Variants in THRB observed in about 807,000 individuals in gnomAD.
THRB encodes nuclear receptor subfamily 1 group A member 2.
In THRB, 12 loss-of-function variants were observed where a neutral mutation model predicts 47.8. The observed-to-expected ratio is 0.25, with a 90% CI of 0.16 to 0.41. The LOEUF is 0.41. Ranked by LOEUF, THRB falls within the 10% of genes least tolerant of loss-of-function variation. THRB has a pLI of 1.00. For missense variants in THRB, 348 were observed against 589.2 expected, an observed-to-expected ratio of 0.59 and a Z score of 4.24; for synonymous variants, 218 against 212.2, an observed-to-expected ratio of 1.03 and a Z score of -0.24.
In THRB at chr3:24,117,530, C is replaced by T. The variant is rs1185777185; in HGVS notation, c.*5354G>A. 6.6e-6 allele frequency: 1 copy of T among 152,150 alleles called. No individual in the cohort carries two copies. The highest frequency in any genetic ancestry group is 1.5e-5 in the Non-Finnish European group (1 of 68,036). The allele number at this position is 152,150 out of a possible 1,614,324, so 9.4% of individuals were successfully genotyped here. A position where few individuals can be genotyped will look rare whatever the true frequency, so the allele number is the denominator to read the frequency against. On this transcript the variant is annotated 3_prime_UTR_variant, in exon 11 of 11. Coordinates refer to ENST00000646209, the MANE Select transcript of THRB (RefSeq NM_001354712.2). ...GAACTTGGGCCAGTGAGAATTAGGC[C>T]AGAATTTTCATTAGAATTGTTGGAG... is the stretch of plus-strand genomic sequence containing the variant.
chr3:24,214,891 A>G (rs2046408055), intron 4 of THRB, among the ~76,000 whole-genome samples: 2 of 152,214 alleles, frequency 1.3e-5, no homozygotes, highest in South Asian at 4.1e-4. Flanking sequence ...TTGCAGCTCA[A>G]ATCATTATGT....
At chr3:24,200,727 A>G (rs1279652997) in intron 4 of THRB, among the ~76,000 whole-genome samples, 1 of 152,196 alleles carries the variant, frequency 6.6e-6, no homozygotes, top group East Asian at 1.9e-4. Context: ...TAGGGAAGAG[A>G]CATTTCAATC....
rs865873178 is a variant in THRB at position 24,254,089 on chromosome 3, C to T, written c.-42-25088G>A. Among the ~76,000 whole-genome samples, 8 of 150,402 alleles carry T rather than the reference C, an allele frequency of 5.3e-5. No individual in the cohort carries two copies. In the South Asian group the frequency reaches 6.3e-4, roughly 12 times the overall value. Reference sequence around the variant, plus strand: ...CTAAAAATCAGATTTACCGGCCGGGCGTGGTGGCTCACGCCTGTAATCCCA... The same window carrying T: ...CTAAAAATCAGATTTACCGGCCGGGTGTGGTGGCTCACGCCTGTAATCCCA... On this transcript the variant is annotated intron_variant, in intron 3 of 10. Coordinates refer to ENST00000646209, the MANE Select transcript of THRB (RefSeq NM_001354712.2).
At chr3:24,264,738 A>C (rs1232122882) in intron 3 of THRB, among the ~76,000 whole-genome samples, 2 of 152,154 alleles carry the variant, frequency 1.3e-5, no homozygotes, top group African/African-American at 4.8e-5. Flanking sequence ...TAAACCTGAA[A>C]ATCAATGTTT....
intron 3 of THRB, among the ~76,000 whole-genome samples, chr3:24,287,587 C>T (rs979554804): frequency 2.0e-5 from 3 of 152,188 alleles, no homozygotes; most frequent in East Asian, 1.9e-4. Flanking sequence ...TCCTGGTCAA[C>T]TTGAAAGGGA....
At chr3:24,350,101 A>T (rs555562157) in intron 1 of THRB, among the ~76,000 whole-genome samples, 1 of 152,194 alleles carries the variant, frequency 6.6e-6, no homozygotes, top group Non-Finnish European at 1.5e-5. Flanking sequence ...CTCAAATGCA[A>T]ACCAACATAT....
rs1413427875 is a variant in THRB, at chr3:24,371,742, T to C, written c.-260-34371A>G. Among the ~76,000 whole-genome samples, 3 of 152,158 alleles carry C rather than the reference T, an allele frequency of 2.0e-5. No individual in the cohort carries two copies. In the East Asian group the frequency reaches 5.8e-4, roughly 29 times the overall value. ...GGACACTTTGGAAGCTGGTGCTCAA[T>C]GTATTGCTACATTCAGTGGTCCCAA... On this transcript the variant is annotated intron_variant, in intron 1 of 10. Transcript: ENST00000646209.
intron 1 of THRB, among the ~76,000 whole-genome samples, chr3:24,399,933 C>G (rs1359212354): frequency 1.3e-5 from 2 of 152,054 alleles, no homozygotes; most frequent in Non-Finnish European, 2.9e-5. Flanking sequence ...CGTTACCTCA[C>G]CAGAACTTTT....
At chr3:24,163,035 G>T (rs1189393010) in intron 5 of THRB, among the ~76,000 whole-genome samples, 2 of 151,988 alleles carry the variant, frequency 1.3e-5, no homozygotes, top group Non-Finnish European at 2.9e-5. Context: ...GGAAAATGAG[G>T]CCTACCCCAC....
intron 3 of THRB, among the ~76,000 whole-genome samples, chr3:24,292,058 A>C (rs763734780): frequency 6.6e-6 from 1 of 152,208 alleles, no homozygotes; most frequent in Non-Finnish European, 1.5e-5. Context: ...AAAAAAGAGT[A>C]ACATAAAGTG....
intron 1 of THRB, among the ~76,000 whole-genome samples, chr3:24,361,545 A>G (rs924153008): frequency 6.6e-6 from 1 of 152,130 alleles, no homozygotes; most frequent in African/African-American, 2.4e-5. Flanking sequence ...GCAGGGTACT[A>G]TTGTTATGAA....
chr3:24,141,562 T>C (rs1019487657), intron 8 of THRB, among the ~76,000 whole-genome samples: 14 of 152,258 alleles, frequency 9.2e-5, no homozygotes, highest in Non-Finnish European at 1.9e-4. Flanking sequence ...ACTAGAGGAA[T>C]GTGCCTGACT....
intron 2 of THRB, among the ~76,000 whole-genome samples, chr3:24,330,421 T>C (rs1412574304): frequency 1.3e-5 from 2 of 152,222 alleles, no homozygotes; most frequent in Non-Finnish European, 2.9e-5. Context: ...GTTCAGACAT[T>C]CAAGGTATAT....
At chr3:24,468,525 A>G (rs1373896827) in intron 1 of THRB, among the ~76,000 whole-genome samples, 1 of 152,182 alleles carries the variant, frequency 6.6e-6, no homozygotes, top group East Asian at 1.9e-4. Flanking sequence ...CTTAGAGGCT[A>G]TTGTAGGGTT....
intron 3 of THRB, among the ~76,000 whole-genome samples, chr3:24,266,467 G>C (rs1320591000): frequency 1.3e-5 from 2 of 152,132 alleles, no homozygotes. Flanking sequence ...GAAGAGGCAG[G>C]CTTGGAAAAA....
intron 1 of THRB, among the ~76,000 whole-genome samples, chr3:24,419,927 G>A (rs1358918040): frequency 6.6e-6 from 1 of 151,722 alleles, no homozygotes; most frequent in Admixed American, 6.6e-5. Context: ...AGTCTGGAGG[G>A]GTTAAAAGAA....
intron 1 of THRB, among the ~76,000 whole-genome samples, chr3:24,491,208 C>G (rs1019250568): frequency 2.2e-4 from 33 of 152,120 alleles, no homozygotes; most frequent in African/African-American, 7.7e-4. Flanking sequence ...ATTATCTTCC[C>G]TCCTCTACAA....
intron 6 of THRB, among the ~76,000 whole-genome samples, chr3:24,151,460 C>A (rs1210526566): frequency 6.6e-6 from 1 of 152,062 alleles, no homozygotes; most frequent in Non-Finnish European, 1.5e-5. Flanking sequence ...ACAATTTTTG[C>A]TTTAGGGTTT....
chr3:24,171,426 G>T (rs1251603029), intron 5 of THRB, among the ~76,000 whole-genome samples: 1 of 152,158 alleles, frequency 6.6e-6, no homozygotes, highest in East Asian at 1.9e-4. Context: ...CACTTATGGA[G>T]GCTGAGACCT....
Sources: allele counts gnomAD v4.1 joint callset (sites outside exome capture counted in the v4.1 genomes callset), GRCh38; gene constraint gnomAD v4.1.1; transcripts MANE v1.5; gene names NCBI Gene and HGNC (gene_info 2026-07-23, HGNC 2026-07-21).